Variants in KLHL8 observed in about 807,000 individuals in gnomAD.
The protein encoded by KLHL8 is kelch-like protein 8.
Under a neutral mutation model 63.5 loss-of-function variants are expected in KLHL8, and 38 were observed. That is an observed-to-expected ratio of 0.60 (90% CI 0.46 to 0.78). KLHL8 has a LOEUF of 0.78. Among genes scored for constraint, KLHL8 ranks in the 30% least tolerant of loss-of-function variants. The probability of loss-of-function intolerance (pLI) is 0.00; values close to 1 mark genes in which losing one functional copy is unlikely to be tolerated. For synonymous variants in KLHL8, 224 were observed against 254.3 expected (o/e 0.88, Z 1.13); for missense variants, 566 against 752.4 (o/e 0.75, Z 2.90).
upstream of KLHL8, among the ~76,000 whole-genome samples, chr4:87,222,667 T>A (rs1002702460): frequency 6.6e-6 from 1 of 152,188 alleles, no homozygotes; most frequent in Non-Finnish European, 1.5e-5. Flanking sequence ...CACTGCAACC[T>A]CCACCTCCCA....
chr4:87,195,513 T>C lies in KLHL8; in HGVS notation c.27A>G (p.Lys9=). Residue 9 remains lysine (K), a synonymous_variant, in exon 2 of 10, where the codon AAA becomes AAG. Transcript: ENST00000273963. MASDSMSS[K]QARNHITKGK... is the part of the protein sequence containing the mutation. ...CCTTTGTAATGTGATTCCTAGCTTGTTTACTACTCATAGAATCTGAAGCCA... is the reference window on the plus strand; with the variant it reads ...CCTTTGTAATGTGATTCCTAGCTTGCTTACTACTCATAGAATCTGAAGCCA... 4 of 1,613,534 alleles carry C rather than the reference T, an allele frequency of 2.5e-6. No individual in the cohort carries two copies. The highest frequency in any genetic ancestry group is 3.4e-6 in the Non-Finnish European group (4 of 1,179,870).
intron 1 of KLHL8, among the ~76,000 whole-genome samples, chr4:87,236,146 T>C (rs1019664912): frequency 6.6e-6 from 1 of 152,192 alleles, no homozygotes; most frequent in African/African-American, 2.4e-5. Context: ...TCACTTTTCC[T>C]TCTACCTTAA....
In KLHL8 at chr4:87,185,864, C is replaced by T. The variant is rs1731234733; in HGVS notation, c.217-65G>A. ...AAATCAGCTTCAGGTCAGCATTTAA[C>T]ATGTGTTTGTAGCAGGGACAAAATT... On this transcript the variant is annotated intron_variant, in intron 2 of 9. Coordinates refer to ENST00000273963, the MANE Select transcript of KLHL8 (RefSeq NM_020803.5). 18 of 1,369,216 alleles carry T rather than the reference C, an allele frequency of 1.3e-5. No homozygotes were observed. In the South Asian group the frequency reaches 2.7e-4, roughly 21 times the overall value. The allele number at this position is 1,369,216 out of a possible 1,614,324, so 84.8% of individuals were successfully genotyped here.
upstream of KLHL8, among the ~76,000 whole-genome samples, chr4:87,222,133 G>A (rs1732882431): frequency 6.6e-6 from 1 of 152,164 alleles, no homozygotes; most frequent in South Asian, 2.1e-4. Context: ...ACCTGCCAAA[G>A]AGGAACATAT....
chr4:87,225,209 A>G (rs1732951551), upstream of KLHL8, among the ~76,000 whole-genome samples: 1 of 151,876 alleles, frequency 6.6e-6, no homozygotes, highest in East Asian at 1.9e-4. Context: ...AAAACTTTTT[A>G]ATTAGGAAAC....
At chr4:87,196,502 C>G (rs1011563286) in intron 1 of KLHL8, among the ~76,000 whole-genome samples, 1 of 152,088 alleles carries the variant, frequency 6.6e-6, no homozygotes, top group East Asian at 1.9e-4. Context: ...ACCTCGATCT[C>G]TTCTGTAAAA....
chr4:87,165,581 A>T (rs1017472284), intron 8 of KLHL8, among the ~76,000 whole-genome samples: 3 of 151,506 alleles, frequency 2.0e-5, no homozygotes, highest in African/African-American at 7.3e-5. Flanking sequence ...TTTTAAATAG[A>T]GATGAGGTCT....
At chr4:87,226,726 TAA>T (rs1491277696) in intron 1 of KLHL8, among the ~76,000 whole-genome samples, 1 of 27,818 alleles carries the variant, frequency 3.6e-5, no homozygotes, top group South Asian at 1.1e-3. Flanking sequence ...TATTTATATA[TAA>T]TATATATTAT....
chr4:87,204,902 T>C (rs2110031431), intron 1 of KLHL8, among the ~76,000 whole-genome samples: 1 of 152,328 alleles, frequency 6.6e-6, no homozygotes, highest in East Asian at 1.9e-4. Context: ...TAATTTAAAA[T>C]TGATTTGGGT....
chr4:87,200,934 C>A (rs528819431), intron 1 of KLHL8, among the ~76,000 whole-genome samples: 1 of 152,260 alleles, frequency 6.6e-6, no homozygotes, highest in African/African-American at 2.4e-5. Context: ...GTGATTTATA[C>A]ATACAATGGA....
At chr4:87,176,145 A>T (rs1730808869) in intron 6 of KLHL8, among the ~76,000 whole-genome samples, 1 of 152,250 alleles carries the variant, frequency 6.6e-6, no homozygotes, top group Non-Finnish European at 1.5e-5. Flanking sequence ...GCTGTGTAAC[A>T]TGTTAACATT....
intron 1 of KLHL8, chr4:87,207,611 C>T: frequency 8.1e-7 from 1 of 1,237,650 alleles, no homozygotes; most frequent in Non-Finnish European, 1.2e-6. Context: ...GGACTCATGA[C>T]TACAGTCCAT....
chr4:87,182,189 C>T (rs1049016475), intron 4 of KLHL8, among the ~76,000 whole-genome samples: 1 of 143,832 alleles, frequency 7.0e-6, no homozygotes, highest in Non-Finnish European at 1.5e-5. Context: ...GCCGAGATCG[C>T]GCCACTGCAC....
intron 1 of KLHL8, chr4:87,220,164 G>C (rs563028744): frequency 6.6e-6 from 1 of 152,568 alleles, no homozygotes; most frequent in African/African-American, 2.4e-5. Flanking sequence ...GCCAATGGGG[G>C]CGACAAAAGC....
At chr4:87,207,934 T>G (rs1306219652) in intron 1 of KLHL8, 1 of 1,064,140 alleles carries the variant, frequency 9.4e-7, no homozygotes, top group African/African-American at 1.6e-5. Context: ...GGCTGTCTCC[T>G]CCAACTTCAA....
Position 87,164,029 on chromosome 4 carries a change from G to A in KLHL8, c.1588C>T (p.Arg530Ter), listed in dbSNP as rs780178586. ...PLSSVERYDP[R>*]SNKWDYVAAL... Reference sequence around the variant, plus strand: ...GCCACATAATCCCACTTGTTGCTTCGGGGGTCATACCGCTCAACTGAACTC... The same window carrying A: ...GCCACATAATCCCACTTGTTGCTTCAGGGGTCATACCGCTCAACTGAACTC... The change falls in exon 9 of 10, where the codon CGA becomes TGA. Residue 530 changes from arginine to a stop codon, truncating the protein, a stop_gained. Coordinates refer to ENST00000273963, the MANE Select transcript of KLHL8 (RefSeq NM_020803.5). LOFTEE classifies it high-confidence loss of function. 7.4e-6 allele frequency: 12 copies of A among 1,613,932 alleles called. No homozygotes were observed. Among genetic ancestry groups the A allele is most frequent in the Admixed American group, 5.0e-5 (3 of 59,978 alleles).
intron 1 of KLHL8, among the ~76,000 whole-genome samples, chr4:87,238,205 A>G (rs1208324122): frequency 6.6e-6 from 1 of 152,214 alleles, no homozygotes; most frequent in Non-Finnish European, 1.5e-5. Context: ...AAGTCCTGGG[A>G]TTACAGGCGT....
intron 2 of KLHL8, 123 bp from the exon 3 acceptor site, chr4:87,185,922 CGATCCTTT>C: frequency 1.3e-6 from 1 of 781,770 alleles, no homozygotes; most frequent in South Asian, 2.0e-5. Context: ...TTTTATAAGG[CGATCCTTT>C]GATCACTTAC....
rs754529920 is a variant in KLHL8, at chr4:87,195,548, T to C, written c.-9A>G. 7 of 1,607,010 alleles carry C rather than the reference T, an allele frequency of 4.4e-6. No homozygotes were observed. In the African/African-American group the frequency reaches 6.7e-5, roughly 15 times the overall value. ...ATAGAATCTGAAGCCATTTGCAATA[T>C]TCCTCTTTTAATAGAGCTCTCTTCT... On this transcript the variant is annotated 5_prime_UTR_variant, in exon 2 of 10. Coordinates refer to ENST00000273963, the MANE Select transcript of KLHL8 (RefSeq NM_020803.5).
Sources: gnomAD v4.1 joint callset for allele counts (sites outside exome capture counted in the v4.1 genomes callset) on GRCh38, gnomAD v4.1.1 for gene constraint, MANE v1.5 for transcripts, NCBI Gene and HGNC (gene_info 2026-07-23, HGNC 2026-07-21) for gene names.